BCAS3: variants seen among roughly 807,000 people sequenced by gnomAD.
The protein encoded by BCAS3 is BCAS4/BCAS3 fusion.
A neutral mutation model predicts 116.1 loss-of-function variants in BCAS3; 53 were observed. The ratio of observed to expected loss-of-function variants is 0.46; its 90% confidence interval spans 0.37 to 0.57. The LOEUF (loss-of-function observed/expected upper bound fraction) is 0.57, where lower values mean the gene tolerates loss of function less well. BCAS3 is among the 20% of genes least tolerant of loss of function. BCAS3 has a pLI of 0.00. For synonymous variants in BCAS3, 391 were observed against 408.2 expected, an observed-to-expected ratio of 0.96 and a Z score of 0.51; for missense variants, 917 against 1,165.4, an observed-to-expected ratio of 0.79 and a Z score of 3.10.
chr17:61,110,886 C>A (rs1202720255), intron 22 of BCAS3, among the ~76,000 whole-genome samples: 1 of 152,220 alleles, frequency 6.6e-6, no homozygotes, highest in Non-Finnish European at 1.5e-5. Flanking sequence ...CAGCACGCAG[C>A]TGGAGATCTG....
intron 22 of BCAS3, among the ~76,000 whole-genome samples, chr17:61,223,151 C>CTTTTTTTTT (rs34499099): frequency 1.5e-4 from 12 of 79,088 alleles, no homozygotes; most frequent in East Asian, 4.3e-4. Context: ...GATGCAGCGC[C>CTTTTTTTTT]TTTTTTTTTT....
intron 16 of BCAS3, among the ~76,000 whole-genome samples, chr17:61,027,124 A>AC (rs1212110448): frequency 3.3e-5 from 5 of 151,502 alleles, no homozygotes; most frequent in African/African-American, 1.2e-4. Flanking sequence ...TAAAAAACAA[A>AC]AAAAAAAAAA....
rs778744098 is a variant in BCAS3, at chr17:61,074,950, C to T, written c.2060C>T (p.Thr687Ile). Reference sequence around the variant, plus strand: ...CCCCCTGGAAGTCCTGGGCCCATTACTCGACATGGGTCTTACGACAGTTTA... The same window carrying T: ...CCCCCTGGAAGTCCTGGGCCCATTATTCGACATGGGTCTTACGACAGTTTA... ...LVPPGSPGPI[T>I]RHGSYDSLAS... The change falls in exon 20 of 24, where the codon ACT (threonine) becomes ATT (isoleucine). Residue 687 changes from threonine to isoleucine, a missense_variant. Thr to Ile is a moderately conservative substitution (Grantham distance 89). Coordinates refer to ENST00000407086, the MANE Select transcript of BCAS3 (RefSeq NM_017679.5). 1.2e-6 allele frequency: 2 copies of T among 1,613,472 alleles called. No homozygotes were observed. The highest frequency in any genetic ancestry group is 1.7e-6 in the Non-Finnish European group (2 of 1,179,554).
chr17:61,003,185 C>G (rs528682490), intron 15 of BCAS3, among the ~76,000 whole-genome samples: 21 of 151,372 alleles, frequency 1.4e-4, no homozygotes, highest in African/African-American at 5.1e-4. Flanking sequence ...TTTTTTTTAA[C>G]TTTATGAGAA....
chr17:61,242,826 C>A (rs1281602509), intron 22 of BCAS3, among the ~76,000 whole-genome samples: 1 of 143,490 alleles, frequency 7.0e-6, no homozygotes, highest in Non-Finnish European at 1.5e-5. Context: ...ACACCAATTT[C>A]TTCCAAATGG....
chr17:61,324,729 T>A lies in BCAS3; in HGVS notation c.2426-43598T>A, dbSNP rs2055585019. 6.6e-6 allele frequency among the ~76,000 whole-genome samples: 1 copy of A among 151,432 alleles called. No individual in the cohort carries two copies. The highest frequency in any genetic ancestry group is 1.5e-5 in the Non-Finnish European group (1 of 67,948). On this transcript the variant is annotated intron_variant, in intron 22 of 23. Coordinates refer to ENST00000407086, the MANE Select transcript of BCAS3 (RefSeq NM_017679.5). The surrounding 1 kb of genome is among the most constrained non-coding windows in gnomAD (Gnocchi z 4.6). ...TAAAATGGTATCCAGCCAGGCACGG[T>A]AGCTCACTTCTATAATCTCAGAAGG...
At position 61,205,082 on chromosome 17, in the gene BCAS3, T is replaced by G. The variant is rs1459661748; in HGVS notation, c.2425+120518T>G. 6.6e-6 allele frequency among the ~76,000 whole-genome samples: 1 copy of G among 152,118 alleles called. No homozygotes were observed. The highest frequency in any genetic ancestry group is 6.5e-5 in the Admixed American group (1 of 15,270). On this transcript the variant is annotated intron_variant, in intron 22 of 23. Transcript: ENST00000407086. The surrounding 1 kb of genome is among the most constrained non-coding windows in gnomAD (Gnocchi z 5.2). ...AAAATTTAGGGAGGCCGATTCCATC[T>G]GCAATCAAAAGCTAACTTTTGGTCC...
chr17:60,938,598 G>T (rs757677632), intron 13 of BCAS3, among the ~76,000 whole-genome samples: 1 of 152,042 alleles, frequency 6.6e-6, no homozygotes, highest in Non-Finnish European at 1.5e-5. Context: ...GATAGAAAAA[G>T]ATTTCTTAGA....
Position 61,388,772 on chromosome 17 carries a change from G to C in BCAS3, c.2594-3205G>C, listed in dbSNP as rs377072629. ...GCTGGGCGGCCGGGATGACTTGGAGGGGGGAATCTGAGCAGCCCTCCTCCC... is the reference window on the plus strand; with the variant it reads ...GCTGGGCGGCCGGGATGACTTGGAGCGGGGAATCTGAGCAGCCCTCCTCCC... On this transcript the variant is annotated intron_variant, in intron 23 of 23. Transcript: ENST00000407086. This position sits in a 1 kb window ranked among gnomAD's most constrained non-coding sequence, Gnocchi z 6.5. 1.8e-5 allele frequency: 26 copies of C among 1,446,494 alleles called. No homozygotes were observed. The highest frequency in any genetic ancestry group is 1.4e-4 in the Admixed American group (7 of 49,276). 89.6% of individuals were successfully genotyped at this position (1,446,494 alleles called of 1,614,324 possible).
chr17:61,157,485 C>G (rs2077915304), intron 22 of BCAS3: 2 of 151,644 alleles, frequency 1.3e-5, no homozygotes, highest in Non-Finnish European at 1.5e-5. Flanking sequence ...AGTGAGTGGA[C>G]TATGCAGAAA....
intron 14 of BCAS3, among the ~76,000 whole-genome samples, chr17:60,981,475 G>T (rs761887607): frequency 3.3e-5 from 5 of 151,954 alleles, no homozygotes; most frequent in Non-Finnish European, 5.9e-5. Flanking sequence ...TAGAGACAGG[G>T]TTTCACCATG....
Position 61,388,734 on chromosome 17 carries a change from G to A in BCAS3, c.2594-3243G>A, listed in dbSNP as rs748383213. ...GTAAGGCCACACGTTTCCATTTGCC[G>A]CTTGCTCGTAGGGCTGGGCGGCCGG... On this transcript the variant is annotated intron_variant, in intron 23 of 23. Coordinates refer to ENST00000407086, the MANE Select transcript of BCAS3 (RefSeq NM_017679.5). This position sits in a 1 kb window ranked among gnomAD's most constrained non-coding sequence, Gnocchi z 6.5. 1.9e-5 allele frequency: 29 copies of A among 1,535,532 alleles called. No individual in the cohort carries two copies. The highest frequency in any genetic ancestry group is 4.1e-5 in the African/African-American group (3 of 72,852).
At chr17:60,768,816 G>A (rs1651813578) in intron 6 of BCAS3, among the ~76,000 whole-genome samples, 1 of 152,136 alleles carries the variant, frequency 6.6e-6, no homozygotes, top group South Asian at 2.1e-4. Flanking sequence ...GTGTCAGCGG[G>A]CCTAGGTGGT....
At chr17:61,269,209 G>A (rs2050024280) in intron 22 of BCAS3, among the ~76,000 whole-genome samples, 1 of 150,956 alleles carries the variant, frequency 6.6e-6, no homozygotes, top group Non-Finnish European at 1.5e-5. Context: ...CAGCCTCCTG[G>A]GTTCAAGCAA....
At position 61,379,666 on chromosome 17, in the gene BCAS3, T is replaced by G. The variant is rs1180420744; in HGVS notation, c.2593+11172T>G. 2.0e-5 allele frequency: 3 copies of G among 152,270 alleles called. No individual in the cohort carries two copies. The highest frequency in any genetic ancestry group is 2.0e-4 in the Admixed American group (3 of 15,284). The allele number at this position is 152,270 out of a possible 1,614,324, so 9.4% of individuals were successfully genotyped here. On this transcript the variant is annotated intron_variant, in intron 23 of 23. Transcript: ENST00000407086. This position sits in a 1 kb window ranked among gnomAD's most constrained non-coding sequence, Gnocchi z 5.5. ...GCCGGCCCACTGCATAAGACATTTTTTAATTTGCTGGCAAAATCCCCCAGC... is the reference window on the plus strand; with the variant it reads ...GCCGGCCCACTGCATAAGACATTTTGTAATTTGCTGGCAAAATCCCCCAGC...
At chr17:60,798,237 G>A (rs769511223) in intron 6 of BCAS3, among the ~76,000 whole-genome samples, 14 of 152,190 alleles carry the variant, frequency 9.2e-5, no homozygotes, top group Non-Finnish European at 1.5e-4. Context: ...TTTCATAAAT[G>A]TGTAATGATG....
At chr17:60,757,133 A>G (rs2043060581) in intron 6 of BCAS3, among the ~76,000 whole-genome samples, 1 of 151,938 alleles carries the variant, frequency 6.6e-6, no homozygotes, top group Admixed American at 6.6e-5. Flanking sequence ...ACTGCACTCC[A>G]GCCTAGTGAC....
At chr17:60,757,614 A>T (rs2043132662) in intron 6 of BCAS3, among the ~76,000 whole-genome samples, 1 of 152,154 alleles carries the variant, frequency 6.6e-6, no homozygotes, top group East Asian at 1.9e-4. Context: ...ATGGGATTTT[A>T]AAAAATTGTT....
chr17:61,294,680 C>T (rs757078774), intron 22 of BCAS3, among the ~76,000 whole-genome samples: 19 of 152,196 alleles, frequency 1.2e-4, no homozygotes, highest in Admixed American at 5.9e-4. Flanking sequence ...TGTTTCATCT[C>T]TTCTGTCCCT....
Sources: gnomAD v4.1 joint callset for allele counts (sites outside exome capture counted in the v4.1 genomes callset) on GRCh38, gnomAD v4.1.1 for gene constraint, Gnocchi (gnomAD v3.1) non-coding constraint, MANE v1.5 for transcripts, NCBI Gene and HGNC (gene_info 2026-07-23, HGNC 2026-07-21) for gene names.